The following SLC30A8 variants were observed in gnomAD, a reference collection of about 807,000 sequenced individuals.
The protein encoded by SLC30A8 is proton-coupled zinc antiporter SLC30A8.
In SLC30A8, 27 loss-of-function variants were observed where a neutral mutation model predicts 36.9. That is an observed-to-expected ratio of 0.73 (90% confidence interval 0.54 to 1.01). The LOEUF is 1.01. SLC30A8 is among the 50% of genes least tolerant of loss of function. SLC30A8 has a pLI of 0.00. For synonymous variants in SLC30A8, 164 were observed against 172.4 expected, an observed-to-expected ratio of 0.95 and a Z score of 0.38; for missense variants, 439 against 452.0, an observed-to-expected ratio of 0.97 and a Z score of 0.26.
At position 117,049,743 on chromosome 8, in the gene SLC30A8, T is replaced by G. The variant is rs879638536; in HGVS notation, c.-226+10485T>G. Among the ~76,000 whole-genome samples, 10 of 152,174 alleles carry G rather than the reference T, an allele frequency of 6.6e-5. 1 individual carries two copies. Among genetic ancestry groups the G allele is most frequent in the Non-Finnish European group, 1.5e-4 (10 of 68,028 alleles). On this transcript the variant is annotated intron_variant, in intron 2 of 10. Transcript: ENST00000427715. ...TTTATCAGAATAAGCAAGAGCCCCCTGGCCCTATTAGAAAATGGCTTTTCC... is the reference window on the plus strand; with the variant it reads ...TTTATCAGAATAAGCAAGAGCCCCCGGGCCCTATTAGAAAATGGCTTTTCC...
At chr8:117,132,178 C>T (rs1821164306), upstream of SLC30A8, among the ~76,000 whole-genome samples, 1 of 152,000 alleles carries the variant, frequency 6.6e-6, no homozygotes, top group South Asian at 2.1e-4. Context: ...ATTGTAAGTA[C>T]TTGGTACTTT....
intron 1 of SLC30A8, among the ~76,000 whole-genome samples, chr8:117,008,189 A>C (rs1816240931): frequency 6.6e-6 from 1 of 152,224 alleles, no homozygotes. Flanking sequence ...TAAATAACTT[A>C]GTATAAATTT....
intron 1 of SLC30A8, among the ~76,000 whole-genome samples, chr8:116,959,101 G>A (rs917179574): frequency 5.1e-4 from 78 of 151,776 alleles, no homozygotes; most frequent in African/African-American, 1.7e-3. Flanking sequence ...TGCCCGCCTC[G>A]GCCTCCCAAA....
intron 2 of SLC30A8, among the ~76,000 whole-genome samples, chr8:117,117,042 T>C (rs1426955240): frequency 6.6e-6 from 1 of 151,976 alleles, no homozygotes; most frequent in East Asian, 1.9e-4. Flanking sequence ...TGCCTGAGAC[T>C]AAAAAGGTAA....
chr8:117,075,650 C>A (rs955207313), intron 2 of SLC30A8, among the ~76,000 whole-genome samples: 1 of 152,092 alleles, frequency 6.6e-6, no homozygotes, highest in African/African-American at 2.4e-5. Flanking sequence ...CTGTTTAAAT[C>A]GTCTTTTTAT....
intron 2 of SLC30A8, among the ~76,000 whole-genome samples, chr8:117,122,008 T>C (rs1439647637): frequency 1.3e-5 from 2 of 151,956 alleles, no homozygotes; most frequent in Non-Finnish European, 2.9e-5. Flanking sequence ...ATATAAAATG[T>C]AGTTTGTCAC....
chr8:117,073,102 G>T (rs1343326950), intron 2 of SLC30A8, among the ~76,000 whole-genome samples: 1 of 151,994 alleles, frequency 6.6e-6, no homozygotes, highest in Non-Finnish European at 1.5e-5. Flanking sequence ...CATTTCCATA[G>T]CCACCATTGT....
chr8:117,091,824 T>C (rs906617248), intron 2 of SLC30A8, among the ~76,000 whole-genome samples: 4 of 152,216 alleles, frequency 2.6e-5, no homozygotes, highest in Non-Finnish European at 4.4e-5. Context: ...AACAGTTCAG[T>C]TGACCTAGAC....
At chr8:116,968,114 T>C (rs1420044767) in intron 1 of SLC30A8, among the ~76,000 whole-genome samples, 1 of 152,144 alleles carries the variant, frequency 6.6e-6, no homozygotes, top group Non-Finnish European at 1.5e-5. Flanking sequence ...CTTTGTGGAT[T>C]AGGAAGAACA....
intron 2 of SLC30A8, chr8:117,055,698 G>T (rs1026746662): frequency 6.6e-6 from 1 of 152,124 alleles, no homozygotes; most frequent in African/African-American, 2.4e-5. Context: ...TGAAATAATG[G>T]AAACCATTTA....
chr8:117,146,326 A>C (rs1226924026), intron 1 of SLC30A8, among the ~76,000 whole-genome samples: 1 of 152,208 alleles, frequency 6.6e-6, no homozygotes, highest in Non-Finnish European at 1.5e-5. Flanking sequence ...CATCTGTGAA[A>C]TTCTATGAAT....
At chr8:117,067,570 C>G (rs955678471) in intron 2 of SLC30A8, among the ~76,000 whole-genome samples, 3 of 152,004 alleles carry the variant, frequency 2.0e-5, no homozygotes, top group Admixed American at 1.3e-4. Context: ...CAAGGTTAGT[C>G]CATACAATCT....
intron 2 of SLC30A8, among the ~76,000 whole-genome samples, chr8:117,056,789 G>C (rs1817885999): frequency 6.6e-6 from 1 of 152,192 alleles, no homozygotes; most frequent in African/African-American, 2.4e-5. Context: ...TCTTCTCCCT[G>C]TTGGATGCAG....
At chr8:116,956,474 G>A (rs965066118) in intron 1 of SLC30A8, among the ~76,000 whole-genome samples, 4 of 152,160 alleles carry the variant, frequency 2.6e-5, no homozygotes, top group Admixed American at 6.5e-5. Flanking sequence ...TAGATGGGTC[G>A]TCTATACTAT....
At chr8:117,168,779 G>T (rs971654015) in intron 6 of SLC30A8, among the ~76,000 whole-genome samples, 1 of 152,122 alleles carries the variant, frequency 6.6e-6, no homozygotes, top group Non-Finnish European at 1.5e-5. Flanking sequence ...TGTTTTGATT[G>T]CAATTCCTAG....
At chr8:117,123,110 G>A (rs1820752164) in intron 2 of SLC30A8, among the ~76,000 whole-genome samples, 1 of 151,910 alleles carries the variant, frequency 6.6e-6, no homozygotes, top group Non-Finnish European at 1.5e-5. Context: ...TCTCACCTTA[G>A]AGGGCAGACC....
intron 2 of SLC30A8, among the ~76,000 whole-genome samples, chr8:117,129,134 G>C (rs1054016463): frequency 6.6e-6 from 1 of 151,996 alleles, no homozygotes; most frequent in Non-Finnish European, 1.5e-5. Flanking sequence ...AGGAGTTTCA[G>C]TTAGTAGCTA....
intron 3 of SLC30A8, among the ~76,000 whole-genome samples, chr8:117,153,816 CAT>C (rs1374983098): frequency 6.6e-6 from 1 of 151,790 alleles, no homozygotes; most frequent in Non-Finnish European, 1.5e-5. Context: ...CGTGCTGAAA[CAT>C]GTGCCTGAGC....
At chr8:117,057,261 CAAAT>C (rs1302052884) in intron 2 of SLC30A8, among the ~76,000 whole-genome samples, 9 of 152,180 alleles carry the variant, frequency 5.9e-5, no homozygotes, top group South Asian at 2.1e-4. Context: ...GTATAATTGA[CAAAT>C]AAAGATTATA....
Sources: allele counts gnomAD v4.1 joint callset (sites outside exome capture counted in the v4.1 genomes callset), GRCh38; gene constraint gnomAD v4.1.1; transcripts MANE v1.5; gene names NCBI Gene and HGNC (gene_info 2026-07-23, HGNC 2026-07-21).